The following PCDHA1 variants were observed in gnomAD, a reference collection of about 807,000 sequenced individuals.
The protein encoded by PCDHA1 is protocadherin alpha-1.
In PCDHA1, 42 loss-of-function variants were observed where a neutral mutation model predicts 61.3. That is an observed-to-expected ratio of 0.69 (90% CI 0.54 to 0.89). The LOEUF is 0.89. PCDHA1 is among the 40% of genes least tolerant of loss of function. The probability of loss-of-function intolerance (pLI) is 0.00; values close to 1 mark genes in which losing one functional copy is unlikely to be tolerated. For synonymous variants in PCDHA1, 610 were observed against 553.8 expected, an observed-to-expected ratio of 1.10 and a Z score of -1.43; for missense variants, 1,256 against 1,235.3, an observed-to-expected ratio of 1.02 and a Z score of -0.25.
At chr5:140,807,786 T>G in intron 1 of PCDHA1, 2 of 1,614,120 alleles carry the variant, frequency 1.2e-6, no homozygotes, top group South Asian at 2.2e-5. Flanking sequence ...CGGAAATCTT[T>G]AGACAGAGAA....
chr5:141,001,387 C>T (rs1282982040), intron 3 of PCDHA1, among the ~76,000 whole-genome samples: 3 of 152,188 alleles, frequency 2.0e-5, no homozygotes, highest in African/African-American at 7.2e-5. Context: ...GCCTAAGATC[C>T]TACAGAGAAC....
Position 140,843,361 on chromosome 5 carries a change from G to A in PCDHA1, c.2394+54677G>A, listed in dbSNP as rs2150358294. On this transcript the variant is annotated intron_variant, in intron 1 of 3. Transcript: ENST00000504120. ...GCGGCCAGGCTCCAAAAGCGTCATC[G>A]AGGCAGTCGGCTGGCGTTTTGGGTC... 3.8e-6 allele frequency: 6 copies of A among 1,596,046 alleles called. No individual in the cohort carries two copies. In the South Asian group the frequency reaches 5.5e-5, roughly 15 times the overall value.
chr5:140,862,685 C>T (rs782248340), intron 1 of PCDHA1: 8 of 552,656 alleles, frequency 1.4e-5, no homozygotes, highest in Non-Finnish European at 1.8e-5. Flanking sequence ...GTGCTGGTGT[C>T]CTACTCGTTG....
chr5:140,976,413 C>T (rs560298731), intron 1 of PCDHA1, among the ~76,000 whole-genome samples: 2 of 151,978 alleles, frequency 1.3e-5, no homozygotes, highest in African/African-American at 4.8e-5. Flanking sequence ...TAGCCAGGTA[C>T]GGTGGCAGAT....
intron 1 of PCDHA1, among the ~76,000 whole-genome samples, chr5:140,819,152 A>G (rs2150103234): frequency 0.013 from 1,992 of 152,322 alleles, 29 homozygotes; most frequent in Non-Finnish European, 0.023. Flanking sequence ...TAATTTTTAT[A>G]CAGAATTAAT....
intron 1 of PCDHA1, chr5:140,882,370 C>T: frequency 6.2e-7 from 1 of 1,614,220 alleles, no homozygotes; most frequent in Non-Finnish European, 8.5e-7. Context: ...TCCACTACTC[C>T]GTCCCCGAGG....
Position 140,786,840 on chromosome 5 carries a change from G to A in PCDHA1, c.550G>A (p.Ala184Thr), listed in dbSNP as rs782242399. 6.2e-7 allele frequency: 1 copy of A among 1,614,174 alleles called. No homozygotes were observed. The highest frequency in any genetic ancestry group is 1.7e-5 in the Admixed American group (1 of 60,032). Residue 184 changes from alanine to threonine, a missense_variant, in exon 1 of 4, where the codon GCA becomes ACA. Ala to Thr is a moderately conservative substitution (Grantham distance 58). Transcript: ENST00000504120. Reference protein sequence around the residue: ...PSDYFSLDVEASDELSKSLWL... With the variant: ...PSDYFSLDVETSDELSKSLWL... ...TGATTATTTCTCTTTGGATGTAGAG[G>A]CAAGTGATGAACTGAGTAAATCTCT...
At chr5:140,977,815 G>C (rs2096776039) in intron 1 of PCDHA1, among the ~76,000 whole-genome samples, 1 of 152,208 alleles carries the variant, frequency 6.6e-6, no homozygotes, top group Non-Finnish European at 1.5e-5. Context: ...ATTATTGACA[G>C]TTTTGAATGG....
At chr5:141,006,077 T>C (rs1554260547) in intron 3 of PCDHA1, among the ~76,000 whole-genome samples, 1 of 150,908 alleles carries the variant, frequency 6.6e-6, no homozygotes, top group East Asian at 1.9e-4. Flanking sequence ...ATCAGATTAT[T>C]GAAGGGACTT....
intron 1 of PCDHA1, chr5:140,835,904 C>T: frequency 1.2e-6 from 2 of 1,612,178 alleles, no homozygotes; most frequent in South Asian, 1.1e-5. Flanking sequence ...TGTCGAGCTA[C>T]GTGTCAGTGC....
Position 140,786,259 on chromosome 5 carries a change from G to T in PCDHA1, c.-32G>T, listed in dbSNP as rs1554117315. On this transcript the variant is annotated 5_prime_UTR_variant, in exon 1 of 4. The change creates a new upstream start codon in the 5' untranslated region. Transcript: ENST00000504120. ...AAAATGGCATGATTTTGAAGTAAGA[G>T]GAGAGCATAAGAAAGGTGTAGTCCT... The T allele has an allele frequency of 6.5e-7, 1 of 1,544,340 alleles. No homozygotes were observed. The highest frequency in any genetic ancestry group is 1.4e-5 in the African/African-American group (1 of 72,562).
intron 1 of PCDHA1, among the ~76,000 whole-genome samples, chr5:140,960,334 T>C (rs902345282): frequency 6.6e-6 from 1 of 152,182 alleles, no homozygotes; most frequent in African/African-American, 2.4e-5. Context: ...GAGAAGTACA[T>C]GAGGTGAGAT....
intron 1 of PCDHA1, among the ~76,000 whole-genome samples, chr5:140,935,583 C>T (rs1182817725): frequency 1.3e-5 from 2 of 152,168 alleles, no homozygotes; most frequent in Admixed American, 6.5e-5. Flanking sequence ...AGTTAAGCCA[C>T]CAGCTAGATA....
intron 1 of PCDHA1, chr5:140,824,305 A>T: frequency 1.2e-6 from 1 of 813,464 alleles, no homozygotes. Context: ...TGCTGGGGTA[A>T]TAGATTCATC....
rs781928314 is a variant in PCDHA1 at position 140,876,618 on chromosome 5, T to A, written c.2394+87934T>A. On this transcript the variant is annotated intron_variant, in intron 1 of 3. Coordinates refer to ENST00000504120, the MANE Select transcript of PCDHA1 (RefSeq NM_018900.4). ...TGTCGGATCGTGACTCTGGAGCCAA[T>A]GGACAGGTCATCTGCTCACTGACAC... is the stretch of plus-strand genomic sequence containing the variant. 3.7e-6 allele frequency: 6 copies of A among 1,614,074 alleles called. No homozygotes were observed. The South Asian group carries it at 4.4e-5, about 12-fold the overall frequency.
chr5:140,906,192 C>G (rs2072444836), intron 1 of PCDHA1, among the ~76,000 whole-genome samples: 1 of 152,182 alleles, frequency 6.6e-6, no homozygotes, highest in Non-Finnish European at 1.5e-5. Context: ...TCAATCCAAT[C>G]AAGTTGACAC....
chr5:140,805,692 T>C, intron 1 of PCDHA1: 1 of 659,766 alleles, frequency 1.5e-6, no homozygotes, highest in Non-Finnish European at 1.9e-6. Context: ...AGATCATGAT[T>C]ACCAAGAATT....
intron 1 of PCDHA1, chr5:140,809,091 G>A (rs376395074): frequency 1.9e-6 from 3 of 1,613,840 alleles, no homozygotes; most frequent in African/African-American, 2.7e-5. Flanking sequence ...AGCACAACGC[G>A]TGCCCTGGAC....
At chr5:140,996,842 T>C (rs2097749816) in intron 3 of PCDHA1, among the ~76,000 whole-genome samples, 1 of 152,240 alleles carries the variant, frequency 6.6e-6, no homozygotes, top group African/African-American at 2.4e-5. Context: ...TTAGCGTGCA[T>C]CTTCAGAATT....
Sources: gnomAD v4.1 joint callset for allele counts (sites outside exome capture counted in the v4.1 genomes callset) on GRCh38, gnomAD v4.1.1 for gene constraint, MANE v1.5 for transcripts, NCBI Gene and HGNC (gene_info 2026-07-23, HGNC 2026-07-21) for gene names.